The following TGFA variants were observed in gnomAD, a reference collection of about 807,000 sequenced individuals.
TGFA encodes the protein transforming growth factor alpha.
In TGFA, 12 loss-of-function variants were observed where a neutral mutation model predicts 21.7. That is an observed-to-expected ratio of 0.55 (90% CI 0.35 to 0.90). The LOEUF (loss-of-function observed/expected upper bound fraction) is 0.90. Among genes scored for constraint, TGFA ranks in the 40% least tolerant of loss-of-function variants. The probability of loss-of-function intolerance (pLI) is 0.01; values close to 1 mark genes in which losing one functional copy is unlikely to be tolerated. For missense variants in TGFA, 178 were observed against 210.8 expected (o/e 0.84, Z 0.96); for synonymous variants, 79 against 88.1 (o/e 0.90, Z 0.58).
chr2:70,453,150 C>A, intron 5 of TGFA, 68 bp downstream of exon 5: 2 of 1,389,812 alleles, frequency 1.4e-6, no homozygotes, highest in African/African-American at 2.8e-5. Context: ...GAACTTCTGC[C>A]CTGACTTGGA....
At chr2:70,506,341 A>G (rs782646224) in intron 2 of TGFA, among the ~76,000 whole-genome samples, 5 of 152,246 alleles carry the variant, frequency 3.3e-5, no homozygotes, top group Non-Finnish European at 7.3e-5. Flanking sequence ...TGGTGAGAGT[A>G]TCTCAGCCTA....
At chr2:70,539,837 A>G (rs1673086660) in intron 1 of TGFA, among the ~76,000 whole-genome samples, 1 of 152,162 alleles carries the variant, frequency 6.6e-6, no homozygotes, top group Non-Finnish European at 1.5e-5. Flanking sequence ...ATGACTTGCC[A>G]CTTAAGTTCC....
At chr2:70,469,986 A>G (rs1670686191) in intron 2 of TGFA, among the ~76,000 whole-genome samples, 1 of 152,176 alleles carries the variant, frequency 6.6e-6, no homozygotes, top group Non-Finnish European at 1.5e-5. Flanking sequence ...GTGGTGTTAT[A>G]AAAATAGGTA....
At chr2:70,465,769 A>G (rs1553492122) in intron 2 of TGFA, 33 bp from the exon 3 acceptor site, 1 of 1,611,592 alleles carries the variant, frequency 6.2e-7, no homozygotes, top group African/African-American at 1.3e-5. Flanking sequence ...GCTCAGATCC[A>G]GGAACAGCTG....
At chr2:70,532,908 TG>T (rs1672856591) in intron 1 of TGFA, among the ~76,000 whole-genome samples, 1 of 151,710 alleles carries the variant, frequency 6.6e-6, no homozygotes, top group Admixed American at 6.6e-5. Flanking sequence ...TTGCCTAGGC[TG>T]GAGTGCAGTG....
At chr2:70,545,931 A>C (rs1165232752) in intron 1 of TGFA, among the ~76,000 whole-genome samples, 2 of 152,324 alleles carry the variant, frequency 1.3e-5, no homozygotes, top group East Asian at 3.9e-4. Flanking sequence ...ATAAGAAAAA[A>C]ATTTTTAAAG....
intron 1 of TGFA, among the ~76,000 whole-genome samples, chr2:70,525,967 G>T (rs1266756815): frequency 6.6e-6 from 1 of 152,046 alleles, no homozygotes; most frequent in African/African-American, 2.4e-5. Context: ...AGAAATTCTG[G>T]GCCCCAACAG....
intron 2 of TGFA, among the ~76,000 whole-genome samples, chr2:70,470,266 G>T (rs1553492994): frequency 6.6e-6 from 1 of 152,108 alleles, no homozygotes; most frequent in African/African-American, 2.4e-5. Flanking sequence ...AGGGTAAGGA[G>T]CAGCAATGAG....
intron 1 of TGFA, among the ~76,000 whole-genome samples, chr2:70,551,318 G>C (rs1417187708): frequency 1.3e-5 from 2 of 152,308 alleles, no homozygotes; most frequent in African/African-American, 4.8e-5. Context: ...ACATGGGAGG[G>C]CAGCCACCAC....
chr2:70,453,164 G>A (rs1670111637), intron 5 of TGFA, 54 bp downstream of exon 5: 4 of 1,491,556 alleles, frequency 2.7e-6, no homozygotes, highest in Non-Finnish European at 2.8e-6. Flanking sequence ...ACTTGGAGAA[G>A]GTGGTCGTTT....
intron 2 of TGFA, among the ~76,000 whole-genome samples, chr2:70,497,563 T>C (rs898332243): frequency 1.3e-5 from 2 of 152,218 alleles, no homozygotes; most frequent in African/African-American, 4.8e-5. Flanking sequence ...CTGAGGTCCT[T>C]GAGCATCTTC....
At chr2:70,483,993 T>C (rs1281071215) in intron 2 of TGFA, among the ~76,000 whole-genome samples, 1 of 152,230 alleles carries the variant, frequency 6.6e-6, no homozygotes, top group African/African-American at 2.4e-5. Context: ...CAGAACTCTA[T>C]GAGCCTCTCA....
intron 1 of TGFA, among the ~76,000 whole-genome samples, chr2:70,540,481 T>C (rs1250802484): frequency 6.6e-6 from 1 of 152,166 alleles, no homozygotes; most frequent in African/African-American, 2.4e-5. Flanking sequence ...GGATCATTAT[T>C]TGACAAAAAG....
intron 2 of TGFA, among the ~76,000 whole-genome samples, chr2:70,475,644 C>T (rs1203958886): frequency 6.6e-6 from 1 of 151,976 alleles, no homozygotes; most frequent in Non-Finnish European, 1.5e-5. Flanking sequence ...AATTTAGGGG[C>T]ATTTTAGAAT....
At chr2:70,541,243 T>C (rs1673123572) in intron 1 of TGFA, among the ~76,000 whole-genome samples, 1 of 152,318 alleles carries the variant, frequency 6.6e-6, no homozygotes, top group East Asian at 1.9e-4. Flanking sequence ...GTGATAAGAG[T>C]TGTATAACAG....
At chr2:70,463,066 G>A (rs1553491670) in intron 3 of TGFA, among the ~76,000 whole-genome samples, 1 of 152,128 alleles carries the variant, frequency 6.6e-6, no homozygotes, top group African/African-American at 2.4e-5. Context: ...GCAGCTGGGA[G>A]CATGGGTTCT....
chr2:70,467,001 G>T (rs1670585034), intron 2 of TGFA, among the ~76,000 whole-genome samples: 1 of 151,960 alleles, frequency 6.6e-6, no homozygotes, highest in Non-Finnish European at 1.5e-5. Context: ...CGTGGACACA[G>T]GGAGAGTGTG....
intron 2 of TGFA, among the ~76,000 whole-genome samples, chr2:70,500,914 G>C (rs146969035): frequency 1.3e-5 from 2 of 151,708 alleles, no homozygotes; most frequent in African/African-American, 4.9e-5. Flanking sequence ...CATTTTAATT[G>C]GGTGTAATCC....
At chr2:70,460,410 A>G (rs1416296049) in intron 3 of TGFA, among the ~76,000 whole-genome samples, 1 of 151,932 alleles carries the variant, frequency 6.6e-6, no homozygotes, top group Non-Finnish European at 1.5e-5. Context: ...AGCTTCTACT[A>G]ATATTAGACT....
Sources: gnomAD v4.1 joint callset for allele counts (sites outside exome capture counted in the v4.1 genomes callset) on GRCh38, gnomAD v4.1.1 for gene constraint, MANE v1.5 for transcripts, NCBI Gene and HGNC (gene_info 2026-07-23, HGNC 2026-07-21) for gene names.